The following IKBKB variants were observed in gnomAD, a reference collection of about 807,000 sequenced individuals.
IKBKB encodes the protein inhibitor of nuclear factor kappa-B kinase subunit beta.
A neutral mutation model predicts 113.6 loss-of-function variants in IKBKB; 42 were observed. The observed-to-expected ratio is 0.37, with a 90% CI of 0.29 to 0.48. The LOEUF is 0.48. IKBKB is among the 20% of genes least tolerant of loss of function. The pLI is 0.99. For synonymous variants in IKBKB, 296 were observed against 361.3 expected, an observed-to-expected ratio of 0.82 and a Z score of 2.05; for missense variants, 673 against 939.7, an observed-to-expected ratio of 0.72 and a Z score of 3.71.
chr8:42,293,221 G>A (rs1813020420), intron 4 of IKBKB, among the ~76,000 whole-genome samples: 1 of 152,194 alleles, frequency 6.6e-6, no homozygotes, highest in South Asian at 2.1e-4. Context: ...CTGTGAGGAT[G>A]TGAGAGCCCT....
chr8:42,279,686 A>T (rs1412028168), intron 2 of IKBKB, among the ~76,000 whole-genome samples: 2 of 152,056 alleles, frequency 1.3e-5, no homozygotes, highest in South Asian at 4.2e-4. Flanking sequence ...TAGGATTGGA[A>T]CCTGCGTCTG....
chr8:42,322,410 C>G lies in IKBKB; in HGVS notation c.1902C>G (p.Ser634Arg), dbSNP rs1214645197. 6.2e-7 allele frequency: 1 copy of G among 1,613,942 alleles called. No homozygotes were observed. The highest frequency in any genetic ancestry group is 8.5e-7 in the Non-Finnish European group (1 of 1,180,004). ...ELLPKVEEVV[S>R]LMNEDEKTVV... Reference sequence around the variant, plus strand: ...TGCCCAAGGTGGAAGAGGTGGTGAGCTTAATGAATGAGGATGAGAAGACTG... The same window carrying G: ...TGCCCAAGGTGGAAGAGGTGGTGAGGTTAATGAATGAGGATGAGAAGACTG... The change falls in exon 19 of 22, where the codon AGC (serine) becomes AGG (arginine). Residue 634 changes from serine (S) to arginine (R), a missense_variant. Coordinates refer to ENST00000520810, the MANE Select transcript of IKBKB (RefSeq NM_001556.3).
Position 42,305,194 on chromosome 8 carries a change from G to A in IKBKB, c.396G>A (p.Ala132=), listed in dbSNP as rs201246197. The change falls in exon 6 of 22, where the codon GCG becomes GCA. Residue 132 remains alanine (A), a synonymous_variant. Transcript: ENST00000520810. ...ILTLLSDIAS[A]LRYLHENRII... is the part of the protein sequence containing the mutation. The stretch of plus-strand genomic sequence containing the variant: ...CACCCCCCTCTTCCTCAGCCTCTGC[G>A]CTTAGATACCTTCATGAAAACAGAA... 1.2e-4 allele frequency: 193 copies of A among 1,613,146 alleles called. No homozygotes were observed. Among genetic ancestry groups the A allele is most frequent in the Middle Eastern group, 3.3e-4 (2 of 6,084 alleles).
At chr8:42,308,245 T>A (rs955665951) in intron 7 of IKBKB, among the ~76,000 whole-genome samples, 1 of 150,952 alleles carries the variant, frequency 6.6e-6, no homozygotes, top group Non-Finnish European at 1.5e-5. Context: ...TAGTTTTCAA[T>A]AAGCGCCTGA....
In IKBKB at chr8:42,290,204, G is replaced by A. The variant is rs1249723433; in HGVS notation, c.249G>A (p.Met83Ile). The A allele has an allele frequency of 1.2e-6, 2 of 1,613,880 alleles. No individual in the cohort carries two copies. The highest frequency in any genetic ancestry group is 1.7e-6 in the Non-Finnish European group (2 of 1,179,924). Residue 83 changes from methionine to isoleucine, a missense_variant, in exon 4 of 22, where the codon ATG becomes ATA. Met to Ile is a conservative substitution (Grantham distance 10). Around this residue, in one of 2 missense-constraint regions of IKBKB, gnomAD observed 167 missense variants for 301.0 expected, o/e 0.55. Coordinates refer to ENST00000520810, the MANE Select transcript of IKBKB (RefSeq NM_001556.3). ...VVAARDVPEG[M>I]QNLAPNDLPL... ...CTGCCCGAGATGTCCCTGAGGGGAT[G>A]CAGAACTTGGCGCCCAATGACCTGC...
intron 7 of IKBKB, among the ~76,000 whole-genome samples, chr8:42,308,576 G>A (rs964482195): frequency 6.6e-6 from 1 of 152,112 alleles, no homozygotes; most frequent in African/African-American, 2.4e-5. Context: ...GGGATTACAC[G>A]TGTGAGCCAC....
In IKBKB at chr8:42,330,921, A is replaced by G. The variant is rs1585848050; in HGVS notation, c.2213A>G (p.Asp738Gly). The G allele has an allele frequency of 1.9e-6, 3 of 1,614,144 alleles. No individual in the cohort carries two copies. In the East Asian group the frequency reaches 6.7e-5, roughly 36 times the overall value. The change falls in exon 22 of 22, where the codon GAC becomes GGC. Residue 738 changes from aspartate (D) to glycine (G), a missense_variant. By Grantham distance (94) the Asp-to-Gly change is moderately conservative. Around this residue, in one of 2 missense-constraint regions of IKBKB, gnomAD observed 506 missense variants for 638.7 expected, o/e 0.79. Transcript: ENST00000520810. ...ATGTCTGTTGACTTTCAGGCCCTAG[A>G]CTGGAGCTGGTTACAGACGGAAGAA... ...REQDQSFTAL[D>G]WSWLQTEEEE... is the part of the protein sequence containing the mutation.
chr8:42,326,185 G>A, intron 20 of IKBKB, 88 bp downstream of exon 20: 4 of 1,480,312 alleles, frequency 2.7e-6, no homozygotes. Flanking sequence ...GTAAATGTCT[G>A]TCTGATGGTA....
intron 4 of IKBKB, among the ~76,000 whole-genome samples, chr8:42,291,253 C>G (rs1470141934): frequency 6.6e-6 from 1 of 152,140 alleles, no homozygotes; most frequent in African/African-American, 2.4e-5. Context: ...GTGATCTCGG[C>G]TCACTGTAAC....
chr8:42,280,941 C>T (rs1810261914), intron 2 of IKBKB, among the ~76,000 whole-genome samples: 3 of 152,128 alleles, frequency 2.0e-5, no homozygotes, highest in South Asian at 4.1e-4. Context: ...ATTTATAGAG[C>T]CTGGGCCCGA....
chr8:42,289,514 A>G (rs532353503), intron 3 of IKBKB, among the ~76,000 whole-genome samples: 2 of 152,234 alleles, frequency 1.3e-5, no homozygotes, highest in South Asian at 4.1e-4. Flanking sequence ...TCTAGTGTGG[A>G]GACGGGGCTG....
rs200416995 is a variant in IKBKB at position 42,308,979 on chromosome 8, A to C, written c.646A>C (p.Ile216Leu). Residue 216 changes from isoleucine to leucine, a missense_variant, in exon 8 of 22, where the codon ATC becomes CTC. Ile to Leu is a conservative substitution (Grantham distance 5). Transcript: ENST00000520810. The part of the protein sequence containing the change: ...WSFGTLAFEC[I>L]TGFRPFLPNW... The stretch of plus-strand genomic sequence containing the variant: ...CTTCGGCACCCTGGCCTTTGAGTGC[A>C]TCACGGGCTTCCGGCCCTTCCTCCC... The C allele has an allele frequency of 1.2e-6, 2 of 1,614,202 alleles. No individual in the cohort carries two copies. Among genetic ancestry groups the C allele is most frequent in the South Asian group, 1.1e-5 (1 of 91,088 alleles).
intron 11 of IKBKB, 102 bp from the exon 12 acceptor site, chr8:42,317,555 G>A (rs1818932345): frequency 7.8e-6 from 6 of 771,428 alleles, no homozygotes; most frequent in Admixed American, 6.1e-5. Flanking sequence ...TGAAGATGAT[G>A]CTCTTGCTGA....
At chr8:42,328,189 C>T (rs892275861) in intron 20 of IKBKB, among the ~76,000 whole-genome samples, 14 of 151,704 alleles carry the variant, frequency 9.2e-5, no homozygotes, top group African/African-American at 2.2e-4. Context: ...TTGGGTGATC[C>T]GCCCGCCTTG....
intron 4 of IKBKB, among the ~76,000 whole-genome samples, chr8:42,292,113 C>T (rs1812770778): frequency 6.6e-6 from 1 of 152,172 alleles, no homozygotes; most frequent in Non-Finnish European, 1.5e-5. Flanking sequence ...TGGGGGAACT[C>T]AACAGCACTT....
chr8:42,273,857 T>C (rs948809902), intron 2 of IKBKB, among the ~76,000 whole-genome samples: 3 of 152,118 alleles, frequency 2.0e-5, no homozygotes, highest in African/African-American at 7.2e-5. Flanking sequence ...CTGGCCTGTT[T>C]TTATTTTTAA....
intron 16 of IKBKB, chr8:42,321,688 AT>A: frequency 1.9e-6 from 1 of 526,740 alleles, no homozygotes; most frequent in Non-Finnish European, 3.4e-6. Context: ...TGCTCAGCTA[AT>A]TTAAAAAAAA....
At position 42,319,262 on chromosome 8, in the gene IKBKB, C is replaced by A. The variant is rs1165040655; in HGVS notation, c.1365-8C>A. On this transcript the variant is annotated splice_region_variant and splice_polypyrimidine_tract_variant and intron_variant, in intron 13 of 21. Transcript: ENST00000520810. Reference sequence around the variant, plus strand: ...ATGCTCCAAGACTGTTCCTTGTGGTCCCTGCAGGATGAATCTCCTCCGAAA... The same window carrying A: ...ATGCTCCAAGACTGTTCCTTGTGGTACCTGCAGGATGAATCTCCTCCGAAA... The A allele has an allele frequency of 1.2e-6, 2 of 1,613,712 alleles. No homozygotes were observed. The highest frequency in any genetic ancestry group is 3.3e-5 in the Admixed American group (2 of 60,016).
intron 21 of IKBKB, chr8:42,329,812 A>C (rs1821455079): frequency 1.0e-6 from 1 of 985,428 alleles, no homozygotes; most frequent in Non-Finnish European, 1.2e-6. Context: ...AGTTACAGGT[A>C]CATTAAGACA....
Sources: allele counts gnomAD v4.1 joint callset (sites outside exome capture counted in the v4.1 genomes callset), GRCh38; gene constraint gnomAD v4.1.1; regional missense constraint gnomAD v4.1.1; transcripts MANE v1.5; gene names NCBI Gene and HGNC (gene_info 2026-07-23, HGNC 2026-07-21).